Variants in PARD3 observed in about 807,000 individuals in gnomAD.
PARD3 encodes the protein partitioning defective 3 homolog.
In PARD3, 75 loss-of-function variants were observed where a neutral mutation model predicts 155.4. The ratio of observed to expected loss-of-function variants is 0.48; its 90% CI spans 0.40 to 0.58. The LOEUF is 0.58. PARD3 is among the 20% of genes least tolerant of loss of function. The pLI is 0.00. For synonymous variants in PARD3, 576 were observed against 610.5 expected (o/e 0.94, Z 0.83); for missense variants, 1,642 against 1,721.7 (o/e 0.95, Z 0.82).
chr10:34,294,202 A>G (rs1481244495), intron 20 of PARD3, among the ~76,000 whole-genome samples: 2 of 152,244 alleles, frequency 1.3e-5, no homozygotes, highest in Admixed American at 6.5e-5. Flanking sequence ...ACACACGCAC[A>G]AGGTAAGGAT....
intron 2 of PARD3, among the ~76,000 whole-genome samples, chr10:34,691,873 T>C (rs1483490112): frequency 1.3e-5 from 2 of 152,248 alleles, no homozygotes; most frequent in Non-Finnish European, 2.9e-5. Context: ...TAAATGGTGC[T>C]GGGATAACAG....
At chr10:34,747,910 G>A (rs1230625078) in intron 1 of PARD3, among the ~76,000 whole-genome samples, 1 of 152,110 alleles carries the variant, frequency 6.6e-6, no homozygotes, top group African/African-American at 2.4e-5. Flanking sequence ...TAAAAATCTT[G>A]TACTCACTGG....
At chr10:34,448,549 T>C (rs2076882043) in intron 5 of PARD3, among the ~76,000 whole-genome samples, 1 of 152,132 alleles carries the variant, frequency 6.6e-6, no homozygotes. Flanking sequence ...CCTATAACCA[T>C]GACACTTTGG....
intron 2 of PARD3, among the ~76,000 whole-genome samples, chr10:34,637,319 A>G (rs982103590): frequency 6.6e-6 from 1 of 152,194 alleles, no homozygotes; most frequent in Admixed American, 6.5e-5. Flanking sequence ...TCCACACCTC[A>G]TAACTATTCA....
At chr10:34,318,703 G>A (rs536191701) in intron 19 of PARD3, among the ~76,000 whole-genome samples, 77 of 152,262 alleles carry the variant, frequency 5.1e-4, no homozygotes, top group African/African-American at 1.5e-3. Context: ...TAACACAGTT[G>A]TGTTTTTTTG....
intron 1 of PARD3, among the ~76,000 whole-genome samples, chr10:34,717,989 AC>A (rs143080272): frequency 1.6e-3 from 241 of 152,072 alleles, no homozygotes; most frequent in African/African-American, 5.5e-3. Flanking sequence ...CCCTGTCTCT[AC>A]TAAAATACAA....
chr10:34,359,733 G>GT (rs1839256299), intron 13 of PARD3, among the ~76,000 whole-genome samples: 1 of 152,136 alleles, frequency 6.6e-6, no homozygotes, highest in Non-Finnish European at 1.5e-5. Context: ...GAGAAATAGA[G>GT]TAAGTGACCC....
At chr10:34,220,604 C>T (rs574069787) in intron 22 of PARD3, among the ~76,000 whole-genome samples, 172 of 152,168 alleles carry the variant, frequency 1.1e-3, no homozygotes, top group African/African-American at 3.7e-3. Flanking sequence ...TACAGGCACC[C>T]GAAATGCAAT....
intron 3 of PARD3, 80 bp from the exon 4 acceptor site, chr10:34,470,343 C>T: frequency 9.1e-7 from 1 of 1,093,344 alleles, no homozygotes; most frequent in East Asian, 2.6e-5. Context: ...TAGGGAAATC[C>T]TAAAGATTAA....
chr10:34,455,928 A>G (rs1355499775), intron 4 of PARD3, among the ~76,000 whole-genome samples: 1 of 152,220 alleles, frequency 6.6e-6, no homozygotes, highest in African/African-American at 2.4e-5. Context: ...TGTAATTCCT[A>G]AGCCAGTATC....
At chr10:34,715,189 T>G (rs2094502339) in intron 1 of PARD3, among the ~76,000 whole-genome samples, 1 of 151,756 alleles carries the variant, frequency 6.6e-6, no homozygotes, top group South Asian at 2.1e-4. Context: ...GCAACCCACC[T>G]GCCTCAGCCT....
At chr10:34,717,015 A>C (rs2094531850) in intron 1 of PARD3, among the ~76,000 whole-genome samples, 1 of 152,170 alleles carries the variant, frequency 6.6e-6, no homozygotes, top group Non-Finnish European at 1.5e-5. Flanking sequence ...TGTGTGGTCC[A>C]AGATAACACC....
At chr10:34,319,661 T>C (rs972008170) in intron 19 of PARD3, among the ~76,000 whole-genome samples, 4 of 152,234 alleles carry the variant, frequency 2.6e-5, no homozygotes, top group African/African-American at 9.6e-5. Context: ...TCCTGGCAGT[T>C]GGCCCAAGGG....
chr10:34,755,273 G>A (rs1590964008), intron 1 of PARD3, among the ~76,000 whole-genome samples: 1 of 151,872 alleles, frequency 6.6e-6, no homozygotes, highest in African/African-American at 2.4e-5. Flanking sequence ...TTAGCCGGGC[G>A]TGGTGGCATG....
At chr10:34,197,432 C>A (rs1476647712) in intron 22 of PARD3, among the ~76,000 whole-genome samples, 1 of 152,194 alleles carries the variant, frequency 6.6e-6, no homozygotes, top group Non-Finnish European at 1.5e-5. Flanking sequence ...CACAGGCCAC[C>A]CGCCCATTCC....
chr10:34,269,457 G>A (rs1430612979), intron 22 of PARD3, among the ~76,000 whole-genome samples, 200 bp downstream of exon 22: 3 of 152,154 alleles, frequency 2.0e-5, no homozygotes, highest in Non-Finnish European at 4.4e-5. Context: ...GGAATCATTA[G>A]AAAAGCCATC....
At chr10:34,547,104 A>C (rs2084142061) in intron 2 of PARD3, among the ~76,000 whole-genome samples, 1 of 152,240 alleles carries the variant, frequency 6.6e-6, no homozygotes, top group African/African-American at 2.4e-5. Context: ...CATTCATGCA[A>C]ATTTATGGAT....
chr10:34,696,709 C>A (rs2094178810), intron 1 of PARD3, among the ~76,000 whole-genome samples: 1 of 149,840 alleles, frequency 6.7e-6, no homozygotes, highest in Admixed American at 6.7e-5. Context: ...ATACTGATTT[C>A]TCTAAAGCAT....
At chr10:34,556,464 G>A (rs1473868158) in intron 2 of PARD3, among the ~76,000 whole-genome samples, 1 of 150,856 alleles carries the variant, frequency 6.6e-6, no homozygotes, top group Non-Finnish European at 1.5e-5. Context: ...CTCACTGCAA[G>A]CTCCGCCTCC....
Sources: gnomAD v4.1 joint callset for allele counts (sites outside exome capture counted in the v4.1 genomes callset) on GRCh38, gnomAD v4.1.1 for gene constraint, MANE v1.5 for transcripts, NCBI Gene and HGNC (gene_info 2026-07-23, HGNC 2026-07-21) for gene names.